Variants in KCNAB1 observed in about 807,000 individuals in gnomAD.
The protein encoded by KCNAB1 is voltage-gated potassium channel subunit beta-1.
Under a neutral mutation model 64.6 loss-of-function variants are expected in KCNAB1, and 35 were observed. The observed-to-expected ratio is 0.54, with a 90% confidence interval of 0.41 to 0.72. The LOEUF (loss-of-function observed/expected upper bound fraction) is 0.72. Ranked by LOEUF, KCNAB1 falls within the 30% of genes least tolerant of loss-of-function variation. KCNAB1 has a pLI of 0.00. For missense variants in KCNAB1, 401 were observed against 512.9 expected (o/e 0.78, Z 2.11); for synonymous variants, 177 against 183.8 (o/e 0.96, Z 0.30).
intron 1 of KCNAB1, among the ~76,000 whole-genome samples, chr3:156,275,458 A>G (rs935992968): frequency 6.6e-6 from 1 of 152,138 alleles, no homozygotes; most frequent in Non-Finnish European, 1.5e-5. Context: ...TGACAATGAA[A>G]TTTGTCATAT....
rs754363275 is a variant in KCNAB1, at chr3:156,472,723, C to T, written c.572-2011C>T. 1.2e-3 allele frequency among the ~76,000 whole-genome samples: 183 copies of T among 152,310 alleles called. 2 individuals carry two copies. The highest frequency in any genetic ancestry group is 2.0e-3 in the Non-Finnish European group (139 of 68,024). ...TATCATTAGTTCCAGGTACATATTA[C>T]GACCTTGAACAAGGAACCTGTGCCA... On this transcript the variant is annotated intron_variant, in intron 7 of 13. Transcript: ENST00000490337.
At chr3:156,254,643 G>A (rs1718003364) in intron 1 of KCNAB1, among the ~76,000 whole-genome samples, 1 of 152,190 alleles carries the variant, frequency 6.6e-6, no homozygotes, top group Non-Finnish European at 1.5e-5. Flanking sequence ...AGTTACAAAG[G>A]CTCACAGTAG....
chr3:156,246,528 G>A (rs553485006), intron 1 of KCNAB1, among the ~76,000 whole-genome samples: 3 of 150,704 alleles, frequency 2.0e-5, no homozygotes, highest in South Asian at 2.1e-4. Context: ...GCTTGAACCC[G>A]AGAGGCAGAG....
At chr3:156,378,559 G>T (rs1329356744) in intron 1 of KCNAB1, among the ~76,000 whole-genome samples, 1 of 152,070 alleles carries the variant, frequency 6.6e-6, no homozygotes, top group Non-Finnish European at 1.5e-5. Context: ...CTATGTTCAA[G>T]AAATCCCTCA....
At chr3:156,159,073 C>A (rs940015013) in intron 1 of KCNAB1, among the ~76,000 whole-genome samples, 2 of 150,036 alleles carry the variant, frequency 1.3e-5, no homozygotes, top group African/African-American at 2.5e-5. Flanking sequence ...ATATGTCCGC[C>A]CCCCCCTGTA....
chr3:156,291,496 T>TA (rs2107968242), intron 1 of KCNAB1: 1 of 1,061,068 alleles, frequency 9.4e-7, no homozygotes, highest in East Asian at 7.7e-5. Flanking sequence ...CGAGCCCGCA[T>TA]TCAGACACCG....
intron 1 of KCNAB1, among the ~76,000 whole-genome samples, chr3:156,198,236 G>T (rs9825048): frequency 0.022 from 3,382 of 152,162 alleles, 150 homozygotes; most frequent in African/African-American, 0.077. Flanking sequence ...AATAAGTGCT[G>T]TGTGGTGCTG....
chr3:156,251,664 G>A (rs1717836901), intron 1 of KCNAB1, among the ~76,000 whole-genome samples: 1 of 152,078 alleles, frequency 6.6e-6, no homozygotes, highest in Admixed American at 6.5e-5. Context: ...GATGTAGAAA[G>A]GAGATTCCCA....
chr3:156,466,389 G>A (rs1249190859), intron 7 of KCNAB1, among the ~76,000 whole-genome samples: 1 of 151,964 alleles, frequency 6.6e-6, no homozygotes, highest in Non-Finnish European at 1.5e-5. Context: ...AGTGCGTTTG[G>A]CTTATTTTCA....
intron 1 of KCNAB1, among the ~76,000 whole-genome samples, chr3:156,317,112 T>A (rs1722324961): frequency 6.6e-6 from 1 of 152,210 alleles, no homozygotes; most frequent in African/African-American, 2.4e-5. Context: ...AGGGAGATAT[T>A]TTTAGAATCT....
At chr3:156,171,349 T>C (rs1205340465) in intron 1 of KCNAB1, among the ~76,000 whole-genome samples, 4 of 152,220 alleles carry the variant, frequency 2.6e-5, no homozygotes, top group African/African-American at 9.6e-5. Flanking sequence ...ATAATTGCTT[T>C]CCTGAAGAAT....
chr3:156,448,016 T>C (rs901252762), intron 2 of KCNAB1, among the ~76,000 whole-genome samples: 1 of 152,188 alleles, frequency 6.6e-6, no homozygotes, highest in Non-Finnish European at 1.5e-5. Context: ...AAGATAGATG[T>C]GTGTGGTGGG....
intron 1 of KCNAB1, among the ~76,000 whole-genome samples, chr3:156,360,915 T>G (rs2108106407): frequency 6.6e-6 from 1 of 152,224 alleles, no homozygotes; most frequent in South Asian, 2.1e-4. Context: ...CCTGGGTTAC[T>G]GCCACAGCCT....
intron 1 of KCNAB1, among the ~76,000 whole-genome samples, chr3:156,343,451 C>T (rs927760939): frequency 2.0e-5 from 3 of 152,182 alleles, no homozygotes; most frequent in East Asian, 3.9e-4. Context: ...ATGAAGTATA[C>T]TCAGAGACCT....
intron 1 of KCNAB1, among the ~76,000 whole-genome samples, chr3:156,282,814 G>T (rs1289480671): frequency 2.7e-5 from 4 of 145,498 alleles, no homozygotes; most frequent in African/African-American, 1.0e-4. Context: ...TTTTCCATTT[G>T]CTTGGTAGAT....
chr3:156,270,503 A>G (rs1187161130), intron 1 of KCNAB1, among the ~76,000 whole-genome samples: 1 of 152,152 alleles, frequency 6.6e-6, no homozygotes, highest in Non-Finnish European at 1.5e-5. Context: ...TTAATATCTT[A>G]TAACTCATTA....
intron 1 of KCNAB1, among the ~76,000 whole-genome samples, chr3:156,289,785 C>T (rs531498576): frequency 6.6e-6 from 1 of 152,228 alleles, no homozygotes; most frequent in African/African-American, 2.4e-5. Flanking sequence ...TAGAATGCAA[C>T]ACAGGCACAT....
intron 1 of KCNAB1, among the ~76,000 whole-genome samples, chr3:156,249,028 GT>G (rs1417716884): frequency 3.2e-5 from 2 of 62,970 alleles, no homozygotes; most frequent in East Asian, 4.6e-4. Flanking sequence ...ATCTGGTTGT[GT>G]TTTTTTTTTT....
At chr3:156,221,248 G>C (rs1174741430) in intron 1 of KCNAB1, among the ~76,000 whole-genome samples, 2 of 152,108 alleles carry the variant, frequency 1.3e-5, no homozygotes, top group Admixed American at 1.3e-4. Context: ...TTCCAATTTT[G>C]TGAAGAAAGT....
Sources: gnomAD v4.1 joint callset for allele counts (sites outside exome capture counted in the v4.1 genomes callset) on GRCh38, gnomAD v4.1.1 for gene constraint, MANE v1.5 for transcripts, NCBI Gene and HGNC (gene_info 2026-07-23, HGNC 2026-07-21) for gene names.